Variants in GPC5 observed in about 807,000 individuals in gnomAD.
GPC5 encodes the protein glypican 5.
GPC5 carries 47 observed loss-of-function variants against 53.9 expected under a neutral mutation model. That is an observed-to-expected ratio of 0.87 (90% CI 0.69 to 1.11). GPC5 has a LOEUF of 1.11. GPC5 is among the 50% of genes most tolerant of loss of function. The pLI is 0.00. For missense variants in GPC5, 748 were observed against 713.1 expected (o/e 1.05, Z -0.56); for synonymous variants, 286 against 263.3 (o/e 1.09, Z -0.84).
At chr13:91,905,311 A>G (rs751529918) in intron 5 of GPC5, among the ~76,000 whole-genome samples, 1 of 151,674 alleles carries the variant, frequency 6.6e-6, no homozygotes, top group Non-Finnish European at 1.5e-5. Flanking sequence ...CTCTCTATAT[A>G]TTTATTTATA....
At chr13:91,851,683 A>G (rs1255295046) in intron 5 of GPC5, among the ~76,000 whole-genome samples, 1 of 117,298 alleles carries the variant, frequency 8.5e-6, no homozygotes, top group Admixed American at 1.1e-4. Flanking sequence ...CCAGAGTGTG[A>G]TATTCCCCTT....
At chr13:91,939,513 T>TAACA (rs1275988468) in intron 6 of GPC5, among the ~76,000 whole-genome samples, 1 of 152,158 alleles carries the variant, frequency 6.6e-6, no homozygotes, top group Admixed American at 6.6e-5. Context: ...TCACAAATAT[T>TAACA]AACACTTGGA....
intron 6 of GPC5, among the ~76,000 whole-genome samples, chr13:91,923,520 C>T (rs1392396004): frequency 1.3e-5 from 2 of 152,036 alleles, no homozygotes; most frequent in African/African-American, 4.8e-5. Flanking sequence ...CCATTAAAAA[C>T]CAAATTAAGT....
rs185317812 is a variant in GPC5, at chr13:92,019,972, C to A, written c.1401+111915C>A. On this transcript the variant is annotated intron_variant, in intron 6 of 7. Coordinates refer to ENST00000377067, the MANE Select transcript of GPC5 (RefSeq NM_004466.6). The stretch of plus-strand genomic sequence containing the variant: ...GAAGTTTGATATGAGTATCTCTGAG[C>A]TAAAATCAAGTTATTGGTAGGGCTA... Among the ~76,000 whole-genome samples the A allele has an allele frequency of 5.9e-5, 9 of 152,092 alleles. 1 individual carries two copies. The highest frequency in any genetic ancestry group is 2.2e-4 in the African/African-American group (9 of 41,534).
At chr13:92,415,349 G>T (rs999847722) in intron 7 of GPC5, among the ~76,000 whole-genome samples, 6 of 152,048 alleles carry the variant, frequency 3.9e-5, no homozygotes, top group African/African-American at 1.4e-4. Flanking sequence ...TCCAATGGAG[G>T]GTAAAATAAA....
chr13:91,797,410 A>G (rs2038064002), intron 5 of GPC5, among the ~76,000 whole-genome samples: 1 of 152,200 alleles, frequency 6.6e-6, no homozygotes, highest in African/African-American at 2.4e-5. Flanking sequence ...TAGAGAACAC[A>G]CCTCCCTCCC....
intron 6 of GPC5, among the ~76,000 whole-genome samples, chr13:92,021,612 G>C (rs2138791390): frequency 6.6e-6 from 1 of 152,300 alleles, no homozygotes; most frequent in African/African-American, 2.4e-5. Context: ...TAAGAGGCTA[G>C]ATCATATTAA....
At chr13:91,881,183 C>G (rs1594637594) in intron 5 of GPC5, among the ~76,000 whole-genome samples, 1 of 152,054 alleles carries the variant, frequency 6.6e-6, no homozygotes, top group Non-Finnish European at 1.5e-5. Context: ...ATATTTTATT[C>G]TCTAAACAAA....
chr13:92,103,392 A>T (rs2041482020), intron 6 of GPC5, among the ~76,000 whole-genome samples: 1 of 151,914 alleles, frequency 6.6e-6, no homozygotes, highest in East Asian at 1.9e-4. Flanking sequence ...TTCTTATATA[A>T]CTCCATAGAA....
At chr13:91,927,592 T>C (rs1382308045) in intron 6 of GPC5, among the ~76,000 whole-genome samples, 2 of 152,134 alleles carry the variant, frequency 1.3e-5, no homozygotes, top group Non-Finnish European at 2.9e-5. Flanking sequence ...CAGAAAAATA[T>C]AGATGATTTT....
chr13:92,594,625 T>C (rs1883809785), intron 7 of GPC5, among the ~76,000 whole-genome samples: 1 of 152,204 alleles, frequency 6.6e-6, no homozygotes, highest in Admixed American at 6.5e-5. Context: ...GTTGACACCA[T>C]CCAATTTTTT....
intron 2 of GPC5, among the ~76,000 whole-genome samples, chr13:91,632,928 A>T (rs532261654): frequency 2.6e-5 from 4 of 152,152 alleles, no homozygotes; most frequent in Non-Finnish European, 4.4e-5. Context: ...GGGATTAACA[A>T]TTTTCTGGTG....
chr13:92,668,768 AAAT>A (rs1267219393), intron 7 of GPC5, among the ~76,000 whole-genome samples: 3 of 152,108 alleles, frequency 2.0e-5, no homozygotes, highest in African/African-American at 7.2e-5. Flanking sequence ...TTTACATTTT[AAAT>A]AATAATGATT....
At chr13:91,658,986 G>A (rs2034917890) in intron 2 of GPC5, among the ~76,000 whole-genome samples, 1 of 151,986 alleles carries the variant, frequency 6.6e-6, no homozygotes, top group African/African-American at 2.4e-5. Flanking sequence ...TTTATATCAT[G>A]TACTGCATTT....
chr13:92,448,445 T>C (rs1877921557), intron 7 of GPC5: 1 of 152,142 alleles, frequency 6.6e-6, no homozygotes, highest in Non-Finnish European at 1.5e-5. Context: ...TGTGTGATTT[T>C]AAAAATTGAT....
chr13:92,134,696 C>T (rs2041769867), intron 6 of GPC5, among the ~76,000 whole-genome samples: 1 of 152,120 alleles, frequency 6.6e-6, no homozygotes, highest in Non-Finnish European at 1.5e-5. Flanking sequence ...GTGATGGTTT[C>T]TGTTCCATTG....
chr13:92,865,880 A>T (rs571185403), intron 7 of GPC5, among the ~76,000 whole-genome samples: 2 of 152,166 alleles, frequency 1.3e-5, no homozygotes, highest in African/African-American at 4.8e-5. Flanking sequence ...ATTTTATTCA[A>T]TTATATCCCC....
At chr13:92,284,769 A>G (rs987472001) in intron 7 of GPC5, among the ~76,000 whole-genome samples, 20 of 152,160 alleles carry the variant, frequency 1.3e-4, no homozygotes, top group Non-Finnish European at 1.5e-5. Flanking sequence ...TTTATGACAA[A>G]CTCACAATCA....
At chr13:92,491,685 G>A (rs1407566804) in intron 7 of GPC5, among the ~76,000 whole-genome samples, 1 of 152,030 alleles carries the variant, frequency 6.6e-6, no homozygotes, top group Non-Finnish European at 1.5e-5. Flanking sequence ...CAAGCAACAA[G>A]AAATATATTG....
Sources: allele counts gnomAD v4.1 joint callset (sites outside exome capture counted in the v4.1 genomes callset), GRCh38; gene constraint gnomAD v4.1.1; transcripts MANE v1.5; gene names NCBI Gene and HGNC (gene_info 2026-07-23, HGNC 2026-07-21).